The following CTNNA2 variants were observed in gnomAD, a reference collection of about 807,000 sequenced individuals.
CTNNA2 encodes the protein catenin alpha-2.
A neutral mutation model predicts 101.0 loss-of-function variants in CTNNA2; 42 were observed. The ratio of observed to expected loss-of-function variants is 0.42; its 90% CI spans 0.32 to 0.54. The LOEUF is 0.54. CTNNA2 is among the 20% of genes least tolerant of loss of function. CTNNA2 has a pLI of 0.14. For missense variants in CTNNA2, 871 were observed against 1,223.1 expected, an observed-to-expected ratio of 0.71 and a Z score of 4.29; for synonymous variants, 450 against 456.4, an observed-to-expected ratio of 0.99 and a Z score of 0.18.
intron 7 of CTNNA2, among the ~76,000 whole-genome samples, chr2:80,329,072 G>T (rs1035845542): frequency 2.0e-5 from 3 of 152,134 alleles, no homozygotes; most frequent in African/African-American, 7.2e-5. Flanking sequence ...TATTCCTTTT[G>T]ATTACTTTTT....
At chr2:79,819,420 A>T (rs1677834908) in intron 3 of CTNNA2, among the ~76,000 whole-genome samples, 1 of 152,174 alleles carries the variant, frequency 6.6e-6, no homozygotes, top group African/African-American at 2.4e-5. Context: ...CAATTTTAGA[A>T]TCTAGAAAAT....
chr2:80,432,751 C>T (rs1681660001), intron 9 of CTNNA2, among the ~76,000 whole-genome samples: 1 of 152,184 alleles, frequency 6.6e-6, no homozygotes, highest in Non-Finnish European at 1.5e-5. Flanking sequence ...GAATCCAAGA[C>T]ACATGAGCTC....
chr2:79,287,965 A>C (rs1426426388), intron 2 of CTNNA2, among the ~76,000 whole-genome samples: 2 of 152,176 alleles, frequency 1.3e-5, no homozygotes, highest in African/African-American at 4.8e-5. Context: ...CTGTTTTTTA[A>C]GCCGGTCGGA....
At chr2:80,492,972 G>T (rs1259482717) in intron 9 of CTNNA2, among the ~76,000 whole-genome samples, 1 of 152,106 alleles carries the variant, frequency 6.6e-6, no homozygotes, top group Non-Finnish European at 1.5e-5. Flanking sequence ...GTAGGTTATT[G>T]GCTTCTTGGA....
intron 9 of CTNNA2, among the ~76,000 whole-genome samples, chr2:80,468,200 G>A (rs1410283472): frequency 6.6e-6 from 1 of 152,048 alleles, no homozygotes; most frequent in African/African-American, 2.4e-5. Context: ...AGTTATCAGG[G>A]CGAAGTCTTC....
chr2:79,718,648 T>C (rs1434016704), intron 2 of CTNNA2, among the ~76,000 whole-genome samples: 1 of 152,194 alleles, frequency 6.6e-6, no homozygotes, highest in Non-Finnish European at 1.5e-5. Flanking sequence ...TCTTTGTTGG[T>C]TTATAAAAAA....
At chr2:80,001,601 C>T (rs1692951676) in intron 7 of CTNNA2, among the ~76,000 whole-genome samples, 1 of 152,124 alleles carries the variant, frequency 6.6e-6, no homozygotes, top group Non-Finnish European at 1.5e-5. Context: ...AGAATAAAGG[C>T]CAGGAATGTG....
intron 2 of CTNNA2, among the ~76,000 whole-genome samples, chr2:79,297,750 C>G (rs918082008): frequency 1.3e-5 from 2 of 152,012 alleles, no homozygotes; most frequent in African/African-American, 4.8e-5. Context: ...TTCCTTCTAT[C>G]TATTTATCTA....
At chr2:79,647,772 C>T (rs932281617) in intron 1 of CTNNA2, among the ~76,000 whole-genome samples, 1 of 152,194 alleles carries the variant, frequency 6.6e-6, no homozygotes, top group African/African-American at 2.4e-5. Flanking sequence ...CAACATACAA[C>T]AGCAGGCATT....
chr2:79,537,180 CT>C (rs1388148426), intron 1 of CTNNA2, among the ~76,000 whole-genome samples: 2 of 152,174 alleles, frequency 1.3e-5, no homozygotes, highest in African/African-American at 4.8e-5. Flanking sequence ...GACTGCTTAA[CT>C]GACTGATTTG....
chr2:80,316,258 T>C (rs1678112302), intron 7 of CTNNA2, among the ~76,000 whole-genome samples: 3 of 151,996 alleles, frequency 2.0e-5, no homozygotes, highest in Non-Finnish European at 4.4e-5. Context: ...TTAATGGAAA[T>C]TGAAAAATTA....
chr2:80,557,898 A>G (rs1693184490), intron 12 of CTNNA2, among the ~76,000 whole-genome samples: 3 of 152,168 alleles, frequency 2.0e-5, no homozygotes, highest in East Asian at 3.9e-4. Flanking sequence ...GTTGTTGCTA[A>G]TCAAGATTTT....
chr2:79,856,615 G>A (rs986230806), intron 3 of CTNNA2, among the ~76,000 whole-genome samples: 4 of 152,170 alleles, frequency 2.6e-5, no homozygotes, highest in Non-Finnish European at 4.4e-5. Flanking sequence ...ACTCCCCAAA[G>A]TGGATATCCA....
At chr2:79,951,742 A>G (rs907539509) in intron 7 of CTNNA2, among the ~76,000 whole-genome samples, 11 of 152,148 alleles carry the variant, frequency 7.2e-5, no homozygotes, top group African/African-American at 2.4e-4. Flanking sequence ...CTTTGTTTCT[A>G]GGTTTCTCCA....
chr2:79,408,751 A>C (rs1303619715), intron 4 of CTNNA2, among the ~76,000 whole-genome samples: 1 of 152,088 alleles, frequency 6.6e-6, no homozygotes, highest in Non-Finnish European at 1.5e-5. Flanking sequence ...ATAGTGCCGC[A>C]ATAAACATAT....
intron 15 of CTNNA2, 111 bp downstream of exon 15, chr2:80,589,596 TG>T: frequency 1.0e-6 from 1 of 980,114 alleles, no homozygotes; most frequent in Non-Finnish European, 1.5e-6. Flanking sequence ...CAACGCAAGG[TG>T]GTGGTATTAT....
intron 2 of CTNNA2, chr2:79,697,948 TTTAAAAACAATGACA>T (rs1684749931): frequency 6.6e-6 from 1 of 152,046 alleles, no homozygotes; most frequent in Non-Finnish European, 1.5e-5. Flanking sequence ...AAACAATGAC[TTTAAAAACAATGACA>T]AAACCATTCA....
intron 2 of CTNNA2, among the ~76,000 whole-genome samples, chr2:79,667,057 C>T (rs1186847211): frequency 6.6e-6 from 1 of 152,204 alleles, no homozygotes; most frequent in East Asian, 1.9e-4. Flanking sequence ...CACTCTTCCA[C>T]TTCTTTGCCA....
intron 7 of CTNNA2, among the ~76,000 whole-genome samples, chr2:80,199,244 A>G (rs892549626): frequency 3.0e-4 from 46 of 151,460 alleles, no homozygotes; most frequent in African/African-American, 8.7e-4. Flanking sequence ...GAACAGTGCT[A>G]AACTCTTTAA....
Sources: gnomAD v4.1 joint callset for allele counts (sites outside exome capture counted in the v4.1 genomes callset) on GRCh38, gnomAD v4.1.1 for gene constraint, MANE v1.5 for transcripts, NCBI Gene and HGNC (gene_info 2026-07-23, HGNC 2026-07-21) for gene names.